Variants in P2RY6 observed in about 807,000 individuals in gnomAD.
P2RY6 encodes P2Y purinoceptor 6.
P2RY6 carries 19 observed loss-of-function variants against 16.3 expected under a neutral mutation model. The ratio of observed to expected loss-of-function variants is 1.16; its 90% CI spans 0.81 to 1.71. The LOEUF (loss-of-function observed/expected upper bound fraction) is 1.71, where lower values mean the gene tolerates loss of function less well. Among genes scored for constraint, P2RY6 ranks in the 40% most tolerant of loss-of-function variants. The probability of loss-of-function intolerance (pLI) is 0.00; values close to 1 mark genes in which losing one functional copy is unlikely to be tolerated. For synonymous variants in P2RY6, 184 were observed against 201.5 expected, an observed-to-expected ratio of 0.91 and a Z score of 0.74; for missense variants, 389 against 455.5, an observed-to-expected ratio of 0.85 and a Z score of 1.33.
At chr11:73,287,379 C>A (rs976553064) in intron 1 of P2RY6, among the ~76,000 whole-genome samples, 17 of 152,248 alleles carry the variant, frequency 1.1e-4, no homozygotes, top group African/African-American at 3.9e-4. Flanking sequence ...GCCTGAGGGG[C>A]CCACTCTTCT....
At chr11:73,281,594 AGCCAGACAGTGGT>A (rs1223037987) in intron 1 of P2RY6, among the ~76,000 whole-genome samples, 2 of 152,198 alleles carry the variant, frequency 1.3e-5, no homozygotes, top group African/African-American at 2.4e-5. Flanking sequence ...GCCAAGCAGG[AGCCAGACAGTGGT>A]GCCATTAGAA....
upstream of P2RY6, chr11:73,269,792 G>A (rs946809855): frequency 1.3e-5 from 2 of 152,270 alleles, no homozygotes; most frequent in Non-Finnish European, 2.9e-5. Context: ...TGGCTCTCAA[G>A]GCTACCTCAG....
chr11:73,293,458 G>A (rs1455068158), intron 1 of P2RY6, among the ~76,000 whole-genome samples: 5 of 152,222 alleles, frequency 3.3e-5, no homozygotes, highest in Non-Finnish European at 7.3e-5. Flanking sequence ...CATGGGCAGA[G>A]TCCAGCCCAG....
At chr11:73,282,785 A>G (rs895180147) in intron 1 of P2RY6, among the ~76,000 whole-genome samples, 8 of 151,476 alleles carry the variant, frequency 5.3e-5, no homozygotes, top group South Asian at 2.1e-4. Context: ...GGGAGGGAGG[A>G]AGGGAGCAAA....
At chr11:73,271,435 T>C (rs1006995234), upstream of P2RY6, 1 of 152,178 alleles carries the variant, frequency 6.6e-6, no homozygotes, top group Non-Finnish European at 1.5e-5. Context: ...TCTGTCCCTT[T>C]TAAGGGCTCA....
upstream of P2RY6, among the ~76,000 whole-genome samples, chr11:73,271,312 C>T (rs923174539): frequency 1.3e-5 from 2 of 152,156 alleles, no homozygotes; most frequent in South Asian, 2.1e-4. Context: ...TGTAGCAGGA[C>T]GAGCCGCGGA....
intron 1 of P2RY6, among the ~76,000 whole-genome samples, chr11:73,289,799 A>G (rs1354633843): frequency 1.3e-5 from 2 of 152,232 alleles, no homozygotes; most frequent in Non-Finnish European, 2.9e-5. Flanking sequence ...CCTGGCTGGG[A>G]TAGCTTGGAA....
At position 73,296,626 on chromosome 11, in the gene P2RY6, G is replaced by A. The variant is rs774965875; in HGVS notation, c.108G>A (p.Val36=). 1.3e-5 allele frequency: 21 copies of A among 1,614,052 alleles called. No homozygotes were observed. The highest frequency in any genetic ancestry group is 1.8e-5 in the Non-Finnish European group (21 of 1,180,040). ...QLLLPPVYSA[V]LAAGLPLNIC... is the part of the protein sequence containing the mutation. ...TGCTGCCACCTGTGTATTCGGCGGT[G>A]CTGGCGGCTGGCCTGCCGCTGAACA... Residue 36 remains valine (V), a synonymous_variant, in exon 3 of 3, where the codon GTG becomes GTA. Coordinates refer to ENST00000540124, the MANE Select transcript of P2RY6 (RefSeq NM_001277204.2).
At chr11:73,290,366 G>GGAAA (rs1211135407) in intron 1 of P2RY6, among the ~76,000 whole-genome samples, 1 of 85,622 alleles carries the variant, frequency 1.2e-5, no homozygotes, top group African/African-American at 5.4e-5. Flanking sequence ...AAAGAAAGAA[G>GGAAA]GAAAGAAAGA....
upstream of P2RY6, among the ~76,000 whole-genome samples, chr11:73,270,326 G>A (rs1390626663): frequency 6.6e-6 from 1 of 152,124 alleles, no homozygotes; most frequent in Non-Finnish European, 1.5e-5. Flanking sequence ...CTTGGGGTAG[G>A]AGAATTTGGC....
At chr11:73,272,947 C>T (rs1425895008) in intron 1 of P2RY6, among the ~76,000 whole-genome samples, 1 of 152,084 alleles carries the variant, frequency 6.6e-6, no homozygotes, top group Non-Finnish European at 1.5e-5. Flanking sequence ...CTCAGAGCTC[C>T]CCAGGAACTT....
intron 1 of P2RY6, among the ~76,000 whole-genome samples, chr11:73,283,250 C>T (rs1476450668): frequency 3.9e-5 from 6 of 152,106 alleles, no homozygotes; most frequent in Non-Finnish European, 8.8e-5. Context: ...CCCTGTACCC[C>T]AACCCTCACC....
intron 1 of P2RY6, among the ~76,000 whole-genome samples, chr11:73,287,661 G>T (rs1864022237): frequency 6.6e-6 from 1 of 152,252 alleles, no homozygotes; most frequent in Admixed American, 6.5e-5. Flanking sequence ...GTGGCCATCA[G>T]CCAACTGCAC....
chr11:73,285,688 C>G (rs1423157861), intron 1 of P2RY6, among the ~76,000 whole-genome samples: 1 of 152,206 alleles, frequency 6.6e-6, no homozygotes, highest in African/African-American at 2.4e-5. Context: ...CTATGCCCCC[C>G]TTACAGGCCC....
chr11:73,273,094 A>G (rs754633722), intron 1 of P2RY6, among the ~76,000 whole-genome samples: 92 of 116,146 alleles, frequency 7.9e-4, no homozygotes, highest in Non-Finnish European at 9.9e-4. Flanking sequence ...GTGGTTTGGA[A>G]AAAAAAAAAA....
At chr11:73,292,450 C>T (rs1252517883) in intron 1 of P2RY6, among the ~76,000 whole-genome samples, 1 of 152,170 alleles carries the variant, frequency 6.6e-6, no homozygotes, top group Non-Finnish European at 1.5e-5. Context: ...CACCCCGTGG[C>T]TCTGAGTGTT....
intron 1 of P2RY6, among the ~76,000 whole-genome samples, chr11:73,291,653 A>G (rs1488115035): frequency 1.3e-5 from 2 of 152,222 alleles, no homozygotes; most frequent in African/African-American, 4.8e-5. Context: ...CTTGCCTGTA[A>G]AAATGGCTTT....
intron 1 of P2RY6, among the ~76,000 whole-genome samples, chr11:73,286,960 G>A (rs1171870479): frequency 6.6e-6 from 1 of 152,170 alleles, no homozygotes; most frequent in Non-Finnish European, 1.5e-5. Flanking sequence ...CTGGGCACAA[G>A]GTGCAGATCT....
Position 73,297,959 on chromosome 11 carries a change from A to G in P2RY6, c.*454A>G. 1 of 184,018 alleles carries G rather than the reference A, an allele frequency of 5.4e-6. No homozygotes were observed. The highest frequency in any genetic ancestry group is 1.7e-4 in the East Asian group (1 of 5,976). 11.4% of individuals were successfully genotyped at this position (184,018 alleles called of 1,614,324 possible). On this transcript the variant is annotated 3_prime_UTR_variant, in exon 3 of 3. Coordinates refer to ENST00000540124, the MANE Select transcript of P2RY6 (RefSeq NM_001277204.2). Reference sequence around the variant, plus strand: ...AGGAGTGATATTCCATTTATTTAGAAAGCCTTTACTGACACCTTGTGCTCA... The same window carrying G: ...AGGAGTGATATTCCATTTATTTAGAGAGCCTTTACTGACACCTTGTGCTCA...
Sources: allele counts gnomAD v4.1 joint callset (sites outside exome capture counted in the v4.1 genomes callset), GRCh38; gene constraint gnomAD v4.1.1; transcripts MANE v1.5; gene names NCBI Gene and HGNC (gene_info 2026-07-23, HGNC 2026-07-21).